Variants in CNTN4 observed in about 807,000 individuals in gnomAD.
CNTN4 encodes contactin 4.
Under a neutral mutation model 122.5 loss-of-function variants are expected in CNTN4, and 77 were observed. The observed-to-expected ratio is 0.63, with a 90% CI of 0.52 to 0.76. The LOEUF is 0.76. CNTN4 is among the 30% of genes least tolerant of loss of function. The pLI is 0.00. For missense variants in CNTN4, 1,256 were observed against 1,259.1 expected (o/e 1.00, Z 0.04); for synonymous variants, 512 against 447.0 (o/e 1.15, Z -1.83).
intron 6 of CNTN4, among the ~76,000 whole-genome samples, chr3:2,765,608 G>C (rs1487586656): frequency 6.6e-6 from 1 of 152,058 alleles, no homozygotes; most frequent in East Asian, 1.9e-4. Context: ...TTAAATATGG[G>C]ATAGCTATAA....
chr3:3,055,741 A>G (rs1574955841), intron 24 of CNTN4, among the ~76,000 whole-genome samples: 1 of 152,204 alleles, frequency 6.6e-6, no homozygotes, highest in African/African-American at 2.4e-5. Context: ...CAGTTTTTGC[A>G]AGATTTAAGT....
intron 3 of CNTN4, among the ~76,000 whole-genome samples, chr3:2,556,286 C>T (rs2078716889): frequency 6.6e-6 from 1 of 152,304 alleles, no homozygotes; most frequent in African/African-American, 2.4e-5. Flanking sequence ...CTCACCTTAA[C>T]GTCTGTTTTA....
chr3:2,561,564 C>A (rs1307425281), intron 3 of CNTN4, among the ~76,000 whole-genome samples: 1 of 152,080 alleles, frequency 6.6e-6, no homozygotes, highest in East Asian at 1.9e-4. Context: ...CCTTCCACTG[C>A]TTGCCCCTCT....
intron 4 of CNTN4, among the ~76,000 whole-genome samples, chr3:2,618,566 A>C (rs1225934677): frequency 1.3e-5 from 2 of 152,186 alleles, no homozygotes; most frequent in African/African-American, 4.8e-5. Flanking sequence ...ATCCTATTCC[A>C]GAAACTAAGA....
chr3:2,444,999 TA>T (rs530580099), intron 3 of CNTN4, among the ~76,000 whole-genome samples: 438 of 137,504 alleles, frequency 3.2e-3, no homozygotes, highest in Middle Eastern at 7.5e-3. Context: ...TCTTACTATG[TA>T]AAAAAAAAAA....
intron 6 of CNTN4, among the ~76,000 whole-genome samples, chr3:2,766,641 C>T (rs1559480640): frequency 6.6e-6 from 1 of 152,072 alleles, no homozygotes. Context: ...AAATTGGGTT[C>T]AGCGTATACT....
chr3:2,658,234 G>A (rs1352367199), intron 4 of CNTN4, among the ~76,000 whole-genome samples: 1 of 151,574 alleles, frequency 6.6e-6, no homozygotes, highest in Non-Finnish European at 1.5e-5. Context: ...CTGGGATTCG[G>A]CAGGGTGGGA....
At chr3:2,581,756 C>G (rs1246593733) in intron 4 of CNTN4, among the ~76,000 whole-genome samples, 1 of 152,150 alleles carries the variant, frequency 6.6e-6, no homozygotes, top group East Asian at 1.9e-4. Flanking sequence ...ATCCAAATGT[C>G]TATCAATTGA....
intron 3 of CNTN4, among the ~76,000 whole-genome samples, chr3:2,529,559 A>ATTAC (rs1553681670): frequency 2.6e-5 from 4 of 152,184 alleles, no homozygotes; most frequent in Non-Finnish European, 5.9e-5. Context: ...TAATACATGT[A>ATTAC]TTACTTACTA....
chr3:2,482,195 G>T (rs1413189859), intron 3 of CNTN4, among the ~76,000 whole-genome samples: 1 of 152,148 alleles, frequency 6.6e-6, no homozygotes, highest in Non-Finnish European at 1.5e-5. Flanking sequence ...ATGAAGTCCA[G>T]TCTGAGGTCA....
At chr3:2,123,294 A>G (rs1472353871) in intron 2 of CNTN4, among the ~76,000 whole-genome samples, 2 of 152,234 alleles carry the variant, frequency 1.3e-5, no homozygotes, top group Non-Finnish European at 2.9e-5. Flanking sequence ...CTCAAGGTCA[A>G]GGTCACATAA....
chr3:2,658,525 A>G (rs981212962), intron 4 of CNTN4, among the ~76,000 whole-genome samples: 2 of 152,174 alleles, frequency 1.3e-5, no homozygotes, highest in Admixed American at 1.3e-4. Context: ...AATTCACACA[A>G]ATAAATTTAA....
In CNTN4 at chr3:2,326,749, T is replaced by C. The variant is rs73807721; in HGVS notation, c.-144-12429T>C. On this transcript the variant is annotated intron_variant, in intron 2 of 24. Coordinates refer to ENST00000418658, the MANE Select transcript of CNTN4 (RefSeq NM_175607.3). Reference sequence around the variant, plus strand: ...GCTGTAACTGTTTTTGAATTAGTACTGTCTGTGAGCCCCTGGGCAATGAAG... The same window carrying C: ...GCTGTAACTGTTTTTGAATTAGTACCGTCTGTGAGCCCCTGGGCAATGAAG... 6.6e-3 allele frequency among the ~76,000 whole-genome samples: 998 copies of C among 152,314 alleles called. 4 individuals are homozygous for C. The highest frequency in any genetic ancestry group is 0.023 in the African/African-American group (947 of 41,574).
At chr3:2,925,588 G>C (rs2094466222) in intron 12 of CNTN4, 41 bp from the exon 13 acceptor site, 1 of 1,588,992 alleles carries the variant, frequency 6.3e-7, no homozygotes, top group Non-Finnish European at 8.6e-7. Context: ...TCTCATGGAA[G>C]GCTGTCTTGC....
At chr3:2,942,168 G>A (rs976079853) in intron 13 of CNTN4, among the ~76,000 whole-genome samples, 1 of 152,130 alleles carries the variant, frequency 6.6e-6, no homozygotes, top group Non-Finnish European at 1.5e-5. Context: ...AATAAATGAA[G>A]AAAGAAATCA....
At chr3:2,498,713 C>G (rs565167906) in intron 3 of CNTN4, among the ~76,000 whole-genome samples, 6 of 152,120 alleles carry the variant, frequency 3.9e-5, no homozygotes, top group Admixed American at 3.9e-4. Context: ...AACTCTTGGA[C>G]TCAAGAGATC....
At chr3:2,255,281 A>G (rs2040535072) in intron 2 of CNTN4, among the ~76,000 whole-genome samples, 1 of 151,086 alleles carries the variant, frequency 6.6e-6, no homozygotes, top group Non-Finnish European at 1.5e-5. Context: ...CTGGATTTAT[A>G]AAGCAAGTTC....
chr3:2,386,468 G>C (rs1406417298), intron 3 of CNTN4, among the ~76,000 whole-genome samples: 1 of 152,112 alleles, frequency 6.6e-6, no homozygotes, highest in Non-Finnish European at 1.5e-5. Flanking sequence ...CCAATAGCTG[G>C]GTTTCTTGGA....
chr3:2,124,609 G>GACA (rs940189101), intron 2 of CNTN4, among the ~76,000 whole-genome samples: 7 of 151,672 alleles, frequency 4.6e-5, no homozygotes, highest in Non-Finnish European at 7.4e-5. Flanking sequence ...CAACAACAAT[G>GACA]ACAACAACAA....
Sources: allele counts gnomAD v4.1 joint callset (sites outside exome capture counted in the v4.1 genomes callset), GRCh38; gene constraint gnomAD v4.1.1; transcripts MANE v1.5; gene names NCBI Gene and HGNC (gene_info 2026-07-23, HGNC 2026-07-21).